Variants in PTPRZ1 observed in about 807,000 individuals in gnomAD.
The protein encoded by PTPRZ1 is receptor-type tyrosine-protein phosphatase zeta.
PTPRZ1 carries 82 observed loss-of-function variants against 214.1 expected under a neutral mutation model. The observed-to-expected ratio is 0.38, with a 90% CI of 0.32 to 0.46. The LOEUF is 0.46. PTPRZ1 is among the 20% of genes least tolerant of loss of function. PTPRZ1 has a pLI of 1.00. For synonymous variants in PTPRZ1, 945 were observed against 987.9 expected, an observed-to-expected ratio of 0.96 and a Z score of 0.81; for missense variants, 2,603 against 2,748.7, an observed-to-expected ratio of 0.95 and a Z score of 1.19.
At chr7:122,037,570 T>G (rs890185502) in intron 18 of PTPRZ1, among the ~76,000 whole-genome samples, 1 of 152,182 alleles carries the variant, frequency 6.6e-6, no homozygotes, top group Non-Finnish European at 1.5e-5. Flanking sequence ...TTCCCTAAGA[T>G]GCACCTCTCA....
intron 23 of PTPRZ1, among the ~76,000 whole-genome samples, chr7:122,048,107 T>A (rs1406239224): frequency 6.6e-6 from 1 of 152,166 alleles, no homozygotes; most frequent in Non-Finnish European, 1.5e-5. Flanking sequence ...AAAATTTTGA[T>A]ATTTGGGCAT....
intron 13 of PTPRZ1, among the ~76,000 whole-genome samples, chr7:122,022,630 G>T (rs535800653): frequency 6.6e-6 from 1 of 152,242 alleles, no homozygotes; most frequent in South Asian, 2.1e-4. Context: ...TTTCATGATG[G>T]TATCTTTTTT....
intron 1 of PTPRZ1, among the ~76,000 whole-genome samples, chr7:121,919,479 G>A (rs1795526645): frequency 6.6e-6 from 1 of 151,946 alleles, no homozygotes; most frequent in African/African-American, 2.4e-5. Flanking sequence ...CTCTATACAA[G>A]TTTTAAATGC....
At chr7:121,898,974 T>C (rs1284331783) in intron 1 of PTPRZ1, among the ~76,000 whole-genome samples, 1 of 152,194 alleles carries the variant, frequency 6.6e-6, no homozygotes, top group Non-Finnish European at 1.5e-5. Flanking sequence ...GTGTAAACTT[T>C]TATTTATTCA....
rs1440539959 is a variant in PTPRZ1, at chr7:122,038,905, G to A, written c.5502+16G>A. 6.2e-6 allele frequency: 10 copies of A among 1,611,934 alleles called. No individual in the cohort carries two copies. The highest frequency in any genetic ancestry group is 7.6e-6 in the Non-Finnish European group (9 of 1,178,716). On this transcript the variant is annotated intron_variant, in intron 19 of 29. Transcript: ENST00000393386. Reference sequence around the variant, plus strand: ...GAAAGGAAGGGTATGTAGATAATCTGTTATGTCACCCCCAAAAAAGTAATT... The same window carrying A: ...GAAAGGAAGGGTATGTAGATAATCTATTATGTCACCCCCAAAAAAGTAATT...
chr7:121,969,189 G>T, intron 3 of PTPRZ1, among the ~76,000 whole-genome samples: 1 of 152,104 alleles, frequency 6.6e-6, no homozygotes, highest in East Asian at 1.9e-4. Flanking sequence ...AGTGAGCCAA[G>T]ATCATGCCAC....
intron 12 of PTPRZ1, among the ~76,000 whole-genome samples, chr7:122,015,125 A>T (rs1349375195): frequency 1.3e-5 from 2 of 152,222 alleles, no homozygotes; most frequent in Non-Finnish European, 2.9e-5. Context: ...AAGAAGAGGG[A>T]AGTTCAATCC....
chr7:121,911,032 A>G (rs1290025616), intron 1 of PTPRZ1, among the ~76,000 whole-genome samples: 1 of 152,176 alleles, frequency 6.6e-6, no homozygotes, highest in Non-Finnish European at 1.5e-5. Context: ...TAATGACAAC[A>G]ATAAAAGCTT....
intron 28 of PTPRZ1, 147 bp downstream of exon 28, chr7:122,059,089 C>T: frequency 2.6e-6 from 2 of 757,372 alleles, no homozygotes; most frequent in Non-Finnish European, 3.7e-6. Flanking sequence ...ATAAAGTTAA[C>T]ACAGAACATT....
Position 122,034,306 on chromosome 7 carries a change from T to C in PTPRZ1, c.5212T>C (p.Leu1738=). The C allele has an allele frequency of 6.2e-7, 1 of 1,613,480 alleles. No individual in the cohort carries two copies. The highest frequency in any genetic ancestry group is 8.5e-7 in the Non-Finnish European group (1 of 1,179,642). ...GGAAGTGCAGAGCTGTACTGTTGAC[T>C]TAGGTATTACAGCAGACAGCTCCAA... The part of the protein sequence containing the change: ...YQEVQSCTVD[L]GITADSSNHP... The change falls in exon 17 of 30, where the codon TTA becomes CTA. Residue 1738 remains leucine, a synonymous_variant. Coordinates refer to ENST00000393386, the MANE Select transcript of PTPRZ1 (RefSeq NM_002851.3).
chr7:121,903,974 A>G (rs1196567203), intron 1 of PTPRZ1, among the ~76,000 whole-genome samples: 2 of 150,512 alleles, frequency 1.3e-5, no homozygotes, highest in Admixed American at 1.3e-4. Context: ...TCTCACACAC[A>G]CACACACACA....
intron 1 of PTPRZ1, among the ~76,000 whole-genome samples, chr7:121,874,643 T>C (rs1793997383): frequency 6.6e-6 from 1 of 152,200 alleles, no homozygotes; most frequent in African/African-American, 2.4e-5. Flanking sequence ...GAAACTATTT[T>C]TAAGTTCTAA....
In PTPRZ1 at chr7:121,873,444, T is replaced by A; in HGVS notation, c.-56T>A. On this transcript the variant is annotated 5_prime_UTR_variant, in exon 1 of 30. Transcript: ENST00000393386. The stretch of plus-strand genomic sequence containing the variant: ...AAACATTTCCTTCGCTCCCCCTCCC[T>A]CTCCACTCTGAGAAGCAGAGGAGCC... The A allele has an allele frequency of 6.4e-7, 1 of 1,574,574 alleles. No homozygotes were observed. Among genetic ancestry groups the A allele is most frequent in the South Asian group, 1.1e-5 (1 of 89,562 alleles).
intron 17 of PTPRZ1, among the ~76,000 whole-genome samples, chr7:122,035,671 C>T (rs755655842): frequency 3.7e-4 from 57 of 152,194 alleles, no homozygotes; most frequent in Non-Finnish European, 7.5e-4. Flanking sequence ...TGCCATACTT[C>T]CATTTGCACA....
chr7:122,018,453 C>T (rs916740597), intron 12 of PTPRZ1, among the ~76,000 whole-genome samples: 1 of 151,902 alleles, frequency 6.6e-6, no homozygotes, highest in Non-Finnish European at 1.5e-5. Context: ...ATTATTTACA[C>T]TTGCATATTT....
intron 14 of PTPRZ1, among the ~76,000 whole-genome samples, chr7:122,029,097 T>G (rs1185089363): frequency 7.4e-6 from 1 of 135,554 alleles, no homozygotes; most frequent in Admixed American, 7.4e-5. Context: ...GAGAAAAGGG[T>G]TTTTTTTTTT....
intron 1 of PTPRZ1, among the ~76,000 whole-genome samples, chr7:121,920,615 A>G (rs1432640943): frequency 6.6e-6 from 1 of 152,212 alleles, no homozygotes; most frequent in Non-Finnish European, 1.5e-5. Flanking sequence ...TGATTGTAGT[A>G]CAATAACAAT....
intron 1 of PTPRZ1, among the ~76,000 whole-genome samples, chr7:121,910,270 C>T: frequency 6.6e-6 from 1 of 152,196 alleles, no homozygotes; most frequent in East Asian, 1.9e-4. Flanking sequence ...TCCCCTTGAC[C>T]ACTCAGTCTA....
chr7:121,935,690 C>G (rs1796066429), intron 2 of PTPRZ1, among the ~76,000 whole-genome samples: 1 of 152,102 alleles, frequency 6.6e-6, no homozygotes, highest in South Asian at 2.1e-4. Context: ...GCCTCAGCCT[C>G]CTGAGTAGCT....
Sources: allele counts gnomAD v4.1 joint callset (sites outside exome capture counted in the v4.1 genomes callset), GRCh38; gene constraint gnomAD v4.1.1; transcripts MANE v1.5; gene names NCBI Gene and HGNC (gene_info 2026-07-23, HGNC 2026-07-21).